Variants in SLCO1B3 observed in about 807,000 individuals in gnomAD.
SLCO1B3 encodes the protein solute carrier organic anion transporter family member 1B3.
SLCO1B3 carries 72 observed loss-of-function variants against 71.8 expected under a neutral mutation model. The observed-to-expected ratio is 1.00, with a 90% CI of 0.83 to 1.22. SLCO1B3 has a LOEUF of 1.22. SLCO1B3 is among the 50% of genes most tolerant of loss of function. The pLI, the probability that SLCO1B3 is intolerant of heterozygous loss-of-function variation, is 0.00. For missense variants in SLCO1B3, 911 were observed against 819.7 expected (o/e 1.11, Z -1.36); for synonymous variants, 298 against 278.4 (o/e 1.07, Z -0.70).
At chr12:20,820,166 C>T (rs1190044873) in intron 3 of SLCO1B3, among the ~76,000 whole-genome samples, 2 of 151,978 alleles carry the variant, frequency 1.3e-5, no homozygotes, top group South Asian at 2.1e-4. Context: ...GGGTAGCCTC[C>T]ATATTGATTA....
chr12:20,888,055 T>C (rs1292801581), intron 13 of SLCO1B3, among the ~76,000 whole-genome samples: 2 of 152,120 alleles, frequency 1.3e-5, no homozygotes, highest in Non-Finnish European at 2.9e-5. Flanking sequence ...GCTTTATTTC[T>C]GGCTTCTCCA....
intron 3 of SLCO1B3, among the ~76,000 whole-genome samples, chr12:20,853,248 T>C (rs1865059136): frequency 6.6e-6 from 1 of 152,070 alleles, no homozygotes; most frequent in Non-Finnish European, 1.5e-5. Context: ...TATGTTATTT[T>C]GGTATTAGGG....
chr12:20,842,677 G>A (rs1490597737), intron 3 of SLCO1B3, among the ~76,000 whole-genome samples: 1 of 152,126 alleles, frequency 6.6e-6, no homozygotes, highest in Admixed American at 6.6e-5. Flanking sequence ...TATATAGTCA[G>A]ACTTGTTTCT....
At chr12:20,900,184 A>T (rs937973228) in intron 14 of SLCO1B3, among the ~76,000 whole-genome samples, 6 of 152,126 alleles carry the variant, frequency 3.9e-5, no homozygotes, top group Non-Finnish European at 7.4e-5. Flanking sequence ...CTCACCCATT[A>T]TCTCAGTACC....
chr12:20,863,998 C>T (rs997766105), intron 8 of SLCO1B3, among the ~76,000 whole-genome samples: 5 of 151,908 alleles, frequency 3.3e-5, no homozygotes, highest in African/African-American at 1.2e-4. Flanking sequence ...CTGGTCTCAT[C>T]GTCTGATTTC....
intron 15 of SLCO1B3, among the ~76,000 whole-genome samples, chr12:20,906,658 C>T (rs528772320): frequency 1.7e-4 from 26 of 151,984 alleles, no homozygotes; most frequent in Non-Finnish European, 2.4e-4. Context: ...AAAAAAATCA[C>T]GAAACATTTT....
intron 4 of SLCO1B3, among the ~76,000 whole-genome samples, chr12:20,857,909 C>T (rs949704797): frequency 3.9e-5 from 6 of 152,050 alleles, no homozygotes; most frequent in Non-Finnish European, 7.4e-5. Context: ...CTCCAGGAAA[C>T]TTTCACAAAG....
intron 12 of SLCO1B3, among the ~76,000 whole-genome samples, chr12:20,881,826 C>G (rs763863527): frequency 2.3e-4 from 35 of 152,168 alleles, no homozygotes; most frequent in Non-Finnish European, 3.5e-4. Context: ...TTCCCTATTA[C>G]CAACATTAGC....
chr12:20,816,563 G>T (rs534796849), intron 3 of SLCO1B3, among the ~76,000 whole-genome samples: 1 of 152,206 alleles, frequency 6.6e-6, no homozygotes, highest in South Asian at 2.1e-4. Context: ...GTACTCCATT[G>T]TGTATATGTC....
chr12:20,910,930 A>G (rs145966571), intron 15 of SLCO1B3, among the ~76,000 whole-genome samples: 138 of 152,112 alleles, frequency 9.1e-4, no homozygotes, highest in African/African-American at 3.2e-3. Context: ...ATCTGTATAT[A>G]TACCATTCCC....
chr12:20,820,311 C>T (rs1183333656), intron 3 of SLCO1B3, among the ~76,000 whole-genome samples: 1 of 152,144 alleles, frequency 6.6e-6, no homozygotes, highest in South Asian at 2.1e-4. Context: ...GTCAGAGAGC[C>T]TTGGGCCAGA....
Position 20,815,690 on chromosome 12 carries a change from A to C in SLCO1B3, c.-49A>C. Reference sequence around the variant, plus strand: ...TTTTAACAGGTGATCATTTCAAACCAAGCATCAGCAACAATTAAAAATATT... The same window carrying C: ...TTTTAACAGGTGATCATTTCAAACCCAGCATCAGCAACAATTAAAAATATT... On this transcript the variant is annotated 5_prime_UTR_variant, in exon 3 of 16. Coordinates refer to ENST00000381545, the MANE Select transcript of SLCO1B3 (RefSeq NM_019844.4). 1 of 1,221,110 alleles carries C rather than the reference A, an allele frequency of 8.2e-7. No individual in the cohort carries two copies. Among genetic ancestry groups the C allele is most frequent in the Non-Finnish European group, 1.2e-6 (1 of 837,012 alleles). The allele number at this position is 1,221,110 out of a possible 1,614,324, so 75.6% of individuals were successfully genotyped here.
intron 3 of SLCO1B3, among the ~76,000 whole-genome samples, chr12:20,824,461 A>G (rs1319723146): frequency 1.3e-5 from 2 of 152,154 alleles, no homozygotes; most frequent in African/African-American, 4.8e-5. Context: ...CAGATTACAA[A>G]CTGTCCTATA....
At chr12:20,910,078 G>A (rs61922188) in intron 15 of SLCO1B3, among the ~76,000 whole-genome samples, 72,869 of 151,980 alleles carry the variant, frequency 0.48, 20,867 homozygotes, top group South Asian at 0.74. Flanking sequence ...CCTGTGTTAC[G>A]TCCTAGGAGT....
chr12:20,890,766 CTTCT>C (rs1445177100), intron 13 of SLCO1B3, among the ~76,000 whole-genome samples: 2 of 152,046 alleles, frequency 1.3e-5, no homozygotes, highest in Non-Finnish European at 2.9e-5. Flanking sequence ...ATATGATAAC[CTTCT>C]TTGTCATTAT....
At chr12:20,869,135 C>A (rs1260486236) in intron 8 of SLCO1B3, among the ~76,000 whole-genome samples, 1 of 150,734 alleles carries the variant, frequency 6.6e-6, no homozygotes, top group Non-Finnish European at 1.5e-5. Flanking sequence ...TAAACTCCCC[C>A]GGGGAAAGGG....
intron 1 of SLCO1B3, among the ~76,000 whole-genome samples, 187 bp downstream of exon 1, chr12:20,810,951 A>C (rs750603410): frequency 6.6e-6 from 1 of 152,200 alleles, no homozygotes; most frequent in Admixed American, 6.5e-5. Context: ...GAAGAGCCTC[A>C]GATTTATATA....
chr12:20,839,010 T>TTACA (rs1007522709), intron 3 of SLCO1B3, among the ~76,000 whole-genome samples: 4 of 152,018 alleles, frequency 2.6e-5, no homozygotes, highest in Admixed American at 2.0e-4. Flanking sequence ...TAAGATATAT[T>TTACA]TACAACTATT....
At chr12:20,898,245 AATT>A (rs1046808985) in intron 13 of SLCO1B3, among the ~76,000 whole-genome samples, 188 bp from the exon 14 acceptor site, 11 of 152,228 alleles carry the variant, frequency 7.2e-5, no homozygotes, top group South Asian at 2.1e-4. Context: ...TAAATAAAGA[AATT>A]ATTATTATTA....
Sources: allele counts gnomAD v4.1 joint callset (sites outside exome capture counted in the v4.1 genomes callset), GRCh38; gene constraint gnomAD v4.1.1; transcripts MANE v1.5; gene names NCBI Gene and HGNC (gene_info 2026-07-23, HGNC 2026-07-21).